NOVA2: variants seen among roughly 807,000 people sequenced by gnomAD.
The protein encoded by NOVA2 is RNA-binding protein Nova-2.
A neutral mutation model predicts 22.5 loss-of-function variants in NOVA2; 9 were observed. The observed-to-expected ratio is 0.40, with a 90% CI of 0.24 to 0.70. The LOEUF (loss-of-function observed/expected upper bound fraction) is 0.70, where lower values mean the gene tolerates loss of function less well. Among genes scored for constraint, NOVA2 ranks in the 30% least tolerant of loss-of-function variants. NOVA2 has a pLI of 0.38. For synonymous variants in NOVA2, 318 were observed against 335.2 expected (o/e 0.95, Z 0.56); for missense variants, 383 against 682.8 (o/e 0.56, Z 4.89).
At chr19:45,945,496 G>A (rs1479745977) in intron 3 of NOVA2, among the ~76,000 whole-genome samples, 1 of 152,016 alleles carries the variant, frequency 6.6e-6, no homozygotes, top group African/African-American at 2.4e-5. Flanking sequence ...CTGGAGTGCA[G>A]TGGTGTGATC....
intron 3 of NOVA2, among the ~76,000 whole-genome samples, chr19:45,950,864 T>A (rs1967914844): frequency 6.6e-6 from 1 of 152,210 alleles, no homozygotes; most frequent in Admixed American, 6.5e-5. Context: ...AAGATAGGTG[T>A]TATTATTACC....
chr19:45,947,104 C>T (rs1339353959), intron 3 of NOVA2, among the ~76,000 whole-genome samples: 1 of 152,164 alleles, frequency 6.6e-6, no homozygotes, highest in African/African-American at 2.4e-5. Flanking sequence ...TTTTCACTCT[C>T]TAACATCCTC....
At chr19:45,945,451 C>CT (rs2146410370) in intron 3 of NOVA2, among the ~76,000 whole-genome samples, 2 of 152,156 alleles carry the variant, frequency 1.3e-5, no homozygotes, top group Admixed American at 6.5e-5. Flanking sequence ...TTATGTTTCT[C>CT]TTTTTTTAAA....
intron 2 of NOVA2, among the ~76,000 whole-genome samples, chr19:45,958,829 T>C (rs1462908045): frequency 6.6e-6 from 1 of 152,200 alleles, no homozygotes; most frequent in Non-Finnish European, 1.5e-5. Flanking sequence ...CCCTGCACTT[T>C]ACCTCGCTCA....
At chr19:45,969,678 T>C (rs1462844128) in intron 1 of NOVA2, among the ~76,000 whole-genome samples, 1 of 152,072 alleles carries the variant, frequency 6.6e-6, no homozygotes, top group African/African-American at 2.4e-5. Flanking sequence ...GTCATTATTG[T>C]TGCAGCTTAA....
chr19:45,954,088 G>A lies in NOVA2; in HGVS notation c.230-142C>T, dbSNP rs1364607268. On this transcript the variant is annotated intron_variant, in intron 2 of 3. Coordinates refer to ENST00000263257, the MANE Select transcript of NOVA2 (RefSeq NM_002516.4). ...ATCACACGGTGAGCCTGGGGGAGCG[G>A]GCATGGGCTGGCAGGCCATGATGGG... is the stretch of plus-strand genomic sequence containing the variant. The A allele has an allele frequency of 4.8e-6, 4 of 827,882 alleles. No homozygotes were observed. In the Admixed American group the frequency reaches 1.1e-4, roughly 22 times the overall value. 51.3% of individuals were successfully genotyped at this position (827,882 alleles called of 1,614,324 possible). A position where few individuals can be genotyped will look rare whatever the true frequency, so the allele number is the denominator to read the frequency against.
intron 1 of NOVA2, among the ~76,000 whole-genome samples, chr19:45,964,561 A>ATCTCTCTCTCTCTCCCTC (rs1968144364): frequency 7.3e-6 from 1 of 137,002 alleles, no homozygotes; most frequent in African/African-American, 2.8e-5. Flanking sequence ...ACACTCTCTG[A>ATCTCTCTCTCTCTCCCTC]TCTCTCTCTC....
In NOVA2 at chr19:45,940,457, G is replaced by A. The variant is rs1315860627; in HGVS notation, c.885C>T (p.Ser295=). The A allele has an allele frequency of 7.2e-6, 11 of 1,531,934 alleles. No individual in the cohort carries two copies. The highest frequency in any genetic ancestry group is 9.6e-6 in the Non-Finnish European group (11 of 1,139,924). 94.9% of individuals were successfully genotyped at this position (1,531,934 alleles called of 1,614,324 possible). The change falls in exon 4 of 4, where the codon TCC becomes TCT. Residue 295 remains serine, a synonymous_variant. Coordinates refer to ENST00000263257, the MANE Select transcript of NOVA2 (RefSeq NM_002516.4). ...CGGCCGAGTTGAGGCCCAGGCCCAGGGAGTTGGTGTTGTAGCCGTAACTTG... is the reference window on the plus strand; with the variant it reads ...CGGCCGAGTTGAGGCCCAGGCCCAGAGAGTTGGTGTTGTAGCCGTAACTTG... ...TLASYGYNTN[S]LGLGLNSAAA...
chr19:45,946,082 A>G (rs1173889771), intron 3 of NOVA2, among the ~76,000 whole-genome samples: 1 of 151,558 alleles, frequency 6.6e-6, no homozygotes, highest in Non-Finnish European at 1.5e-5. Context: ...AGGTGGGCAG[A>G]TCGCTTGAGC....
rs1967623522 is a variant in NOVA2, at chr19:45,933,774, GC to G, written c.*6088del. ...TATCGCGGCAAAAAAAGGTGAAGTC[GC>G]CGAGGGGAAAGGGGTGGGGAAAGGG... On this transcript the variant is annotated 3_prime_UTR_variant, in exon 4 of 4. Transcript: ENST00000263257. 6.8e-6 allele frequency: 1 copy of G among 146,442 alleles called. No individual in the cohort carries two copies. Among genetic ancestry groups the G allele is most frequent in the Admixed American group, 7.1e-5 (1 of 14,054 alleles). The allele number at this position is 146,442 out of a possible 1,614,324, so 9.1% of individuals were successfully genotyped here.
In NOVA2 at chr19:45,940,103, C is replaced by A. The variant is rs1198556467; in HGVS notation, c.1239G>T (p.Val413=). ...GGATGGCTCCCACCAGGTTCTCAGG[C>A]ACCGCAATCTCCACCAGCTCCTTGG... The part of the protein sequence containing the change: ...ESAKELVEIA[V]PENLVGAILG... Residue 413 remains valine, a synonymous_variant, in exon 4 of 4, where the codon GTG becomes GTT. Coordinates refer to ENST00000263257, the MANE Select transcript of NOVA2 (RefSeq NM_002516.4). The A allele has an allele frequency of 6.2e-7, 1 of 1,613,602 alleles. No individual in the cohort carries two copies. Among genetic ancestry groups the A allele is most frequent in the Middle Eastern group, 1.6e-4 (1 of 6,062 alleles).
intron 3 of NOVA2, among the ~76,000 whole-genome samples, chr19:45,952,359 C>T (rs1007600064): frequency 3.9e-5 from 6 of 152,152 alleles, no homozygotes; most frequent in Non-Finnish European, 5.9e-5. Flanking sequence ...TCACATAGGA[C>T]GTAAGTACTG....
rs1488019502 is a variant in NOVA2 at position 45,939,474 on chromosome 19, C to T, written c.*389G>A. The T allele has an allele frequency of 2.7e-5, 1 of 36,724 alleles. No homozygotes were observed. Among genetic ancestry groups the T allele is most frequent in the Non-Finnish European group, 4.7e-5 (1 of 21,384 alleles). 2.3% of individuals were successfully genotyped at this position (36,724 alleles called of 1,614,324 possible). ...AAAAACTTATAAAGGGGGAAAAAAT[C>T]CTTACCAAAAAAAAAAAAAAAAAAA... is the stretch of plus-strand genomic sequence containing the variant. On this transcript the variant is annotated 3_prime_UTR_variant, in exon 4 of 4. Transcript: ENST00000263257.
chr19:45,956,320 TC>T (rs1193526048), intron 2 of NOVA2, among the ~76,000 whole-genome samples: 3 of 152,110 alleles, frequency 2.0e-5, no homozygotes, highest in Admixed American at 1.3e-4. Flanking sequence ...GAAGCTTCCT[TC>T]CAACTCAGGA....
chr19:45,959,254 C>T (rs1968059452), intron 2 of NOVA2, among the ~76,000 whole-genome samples: 1 of 152,006 alleles, frequency 6.6e-6, no homozygotes. Flanking sequence ...TCCTGCTTCT[C>T]TGAGTCAGCA....
intron 2 of NOVA2, among the ~76,000 whole-genome samples, chr19:45,958,762 T>C (rs190651311): frequency 1.3e-5 from 2 of 152,316 alleles, no homozygotes; most frequent in East Asian, 1.9e-4. Flanking sequence ...TTTGGCTACA[T>C]TGACCAAACT....
chr19:45,953,053 G>A (rs1280802767), intron 3 of NOVA2, among the ~76,000 whole-genome samples: 1 of 152,202 alleles, frequency 6.6e-6, no homozygotes, highest in Non-Finnish European at 1.5e-5. Context: ...GAGAGAAAAC[G>A]GGAGCCAGCC....
intron 1 of NOVA2, among the ~76,000 whole-genome samples, chr19:45,972,045 A>G (rs1027073481): frequency 1.4e-4 from 21 of 152,020 alleles, no homozygotes; most frequent in African/African-American, 4.6e-4. Context: ...AAACACATGC[A>G]GAATCATCCC....
At chr19:45,945,820 TTTATTA>T (rs1215969204) in intron 3 of NOVA2, among the ~76,000 whole-genome samples, 17 of 149,938 alleles carry the variant, frequency 1.1e-4, no homozygotes, top group African/African-American at 3.9e-4. Flanking sequence ...TCTCCCTGAC[TTTATTA>T]TTATTATTAT....
Sources: allele counts gnomAD v4.1 joint callset (sites outside exome capture counted in the v4.1 genomes callset), GRCh38; gene constraint gnomAD v4.1.1; transcripts MANE v1.5; gene names NCBI Gene and HGNC (gene_info 2026-07-23, HGNC 2026-07-21).